ALG9: variants seen among roughly 807,000 people sequenced by gnomAD.
ALG9 encodes the protein ALG9 alpha-1,2-mannosyltransferase.
In ALG9, 55 loss-of-function variants were observed where a neutral mutation model predicts 81.8. The observed-to-expected ratio is 0.67, with a 90% CI of 0.54 to 0.84. The LOEUF is 0.84. Among genes scored for constraint, ALG9 ranks in the 40% least tolerant of loss-of-function variants. The pLI is 0.00. For synonymous variants in ALG9, 278 were observed against 274.3 expected (o/e 1.01, Z -0.13); for missense variants, 629 against 745.0 (o/e 0.84, Z 1.81).
chr11:111,823,922 A>T (rs889036208), intron 13 of ALG9, among the ~76,000 whole-genome samples: 2 of 152,218 alleles, frequency 1.3e-5, no homozygotes, highest in South Asian at 4.1e-4. Flanking sequence ...GAGAGGTGTT[A>T]TGTGAATTGC....
intron 3 of ALG9, among the ~76,000 whole-genome samples, chr11:111,866,245 C>A (rs1415272285): frequency 6.6e-6 from 1 of 152,084 alleles, no homozygotes; most frequent in African/African-American, 2.4e-5. Flanking sequence ...TGCAGTGAGC[C>A]GAGATCGTGC....
intron 2 of ALG9, 103 bp downstream of exon 2, chr11:111,870,129 T>C (rs1225834438): frequency 5.5e-6 from 7 of 1,280,168 alleles, no homozygotes; most frequent in East Asian, 2.7e-5. Context: ...AATACAGTTA[T>C]TTTACTAGGA....
intron 8 of ALG9, among the ~76,000 whole-genome samples, chr11:111,852,419 G>A (rs1244482240): frequency 1.3e-5 from 2 of 152,164 alleles, no homozygotes; most frequent in Admixed American, 1.3e-4. Context: ...CAGGGAAGGA[G>A]TGGAGATGGG....
the ALG9 span, among the ~76,000 whole-genome samples, chr11:111,773,676 C>G: frequency 3.3e-5 from 5 of 151,302 alleles, no homozygotes; most frequent in Admixed American, 6.6e-5. Flanking sequence ...ATATACCACT[C>G]GGAAAAAAAT....
intron 13 of ALG9, among the ~76,000 whole-genome samples, chr11:111,813,866 T>C (rs908328987): frequency 6.6e-6 from 1 of 152,208 alleles, no homozygotes; most frequent in Non-Finnish European, 1.5e-5. Flanking sequence ...GGAAATTAAG[T>C]TGGTAAGAGT....
intron 6 of ALG9, among the ~76,000 whole-genome samples, chr11:111,855,734 T>C (rs1424556020): frequency 1.3e-5 from 2 of 152,100 alleles, no homozygotes; most frequent in Non-Finnish European, 2.9e-5. Context: ...GGACTAGACA[T>C]TAAGCTATGG....
chr11:111,836,255 C>G lies in ALG9; in HGVS notation c.1512G>C (p.Gln504His), dbSNP rs781907541. 3 of 1,613,956 alleles carry G rather than the reference C, an allele frequency of 1.9e-6. No homozygotes were observed. In the African/African-American group the frequency reaches 4.0e-5, roughly 22 times the overall value. The change falls in exon 13 of 15, where the codon CAG (glutamine) becomes CAC (histidine). Residue 504 changes from glutamine to histidine, a missense_variant. By Grantham distance (24) the Gln-to-His change is conservative. Transcript: ENST00000616540. ...GTCCTTCTGCAAAAGGTTTTGGTAA[C>G]TGACCTCTGAACTCTGATGGAATGA... ...LQFIPSEFRG[Q>H]LPKPFAEGPL...
rs539780103 is a variant in ALG9 at position 111,871,524 on chromosome 11, G to T, written c.-42C>A. 3.3e-6 allele frequency: 5 copies of T among 1,535,242 alleles called. No homozygotes were observed. The highest frequency in any genetic ancestry group is 2.4e-5 in the East Asian group (1 of 40,856). On this transcript the variant is annotated 5_prime_UTR_variant, in exon 1 of 15. Coordinates refer to ENST00000616540, the MANE Select transcript of ALG9 (RefSeq NM_024740.2). Reference sequence around the variant, plus strand: ...AAAGAATTCGGCACCCTATGAAGTCGGTGAGCGCGCAGACATAGCTTTGGC... The same window carrying T: ...AAAGAATTCGGCACCCTATGAAGTCTGTGAGCGCGCAGACATAGCTTTGGC...
chr11:111,846,219 A>G (rs1555129649), intron 8 of ALG9, among the ~76,000 whole-genome samples: 1 of 152,220 alleles, frequency 6.6e-6, no homozygotes, highest in East Asian at 1.9e-4. Context: ...CCTGACCACC[A>G]GTGCGGAAGC....
In ALG9 at chr11:111,836,291, C is replaced by G; in HGVS notation, c.1476G>C (p.Trp492Cys). ...ACTCTGATGGAATGAACTGAAGCTG[C>G]CAACTGTCAGAAACACAAGGAGAAT... ...FPSSFLLPDN[W>C]QLQFIPSEFR... The change falls in exon 13 of 15, where the codon TGG (tryptophan) becomes TGC (cysteine). Residue 492 changes from tryptophan to cysteine, a missense_variant. Physicochemically the swap from Trp to Cys is radical, Grantham distance 215. Coordinates refer to ENST00000616540, the MANE Select transcript of ALG9 (RefSeq NM_024740.2). The G allele has an allele frequency of 6.2e-7, 1 of 1,613,920 alleles. No homozygotes were observed. The highest frequency in any genetic ancestry group is 8.5e-7 in the Non-Finnish European group (1 of 1,179,928).
intron 13 of ALG9, among the ~76,000 whole-genome samples, chr11:111,828,604 G>C (rs1231248582): frequency 6.6e-6 from 1 of 152,186 alleles, no homozygotes; most frequent in Non-Finnish European, 1.5e-5. Flanking sequence ...TGAAGGCAAA[G>C]AGGGAAAAAT....
At chr11:111,809,082 A>G (rs1346555007) in intron 14 of ALG9, among the ~76,000 whole-genome samples, 1 of 152,210 alleles carries the variant, frequency 6.6e-6, no homozygotes, top group Non-Finnish European at 1.5e-5. Flanking sequence ...TTGGTTGCCA[A>G]AAATAATCAG....
At position 111,789,103 on chromosome 11, in the gene ALG9, A is replaced by G. The variant is rs551333358; in HGVS notation, c.1734-2583T>C. On this transcript the variant is annotated intron_variant, in intron 14 of 14. Transcript: ENST00000616540. ...AGCAATCCTCCTGCCTCGGTCTCCC[A>G]AACTGTTGGGATTACAGGCGCAAGC... 6.6e-5 allele frequency among the ~76,000 whole-genome samples: 10 copies of G among 151,634 alleles called. No homozygotes were observed. In the South Asian group the frequency reaches 2.1e-3, roughly 32 times the overall value.
At chr11:111,862,369 G>A (rs1235930831) in intron 4 of ALG9, among the ~76,000 whole-genome samples, 5 of 151,516 alleles carry the variant, frequency 3.3e-5, no homozygotes, top group African/African-American at 1.2e-4. Context: ...AAGTAGCTGG[G>A]GCTATAGGCA....
the ALG9 span, among the ~76,000 whole-genome samples, chr11:111,776,215 T>G: frequency 6.6e-6 from 1 of 151,966 alleles, no homozygotes; most frequent in African/African-American, 2.4e-5. Flanking sequence ...AATCTTGACA[T>G]ATAGTAAAGT....
chr11:111,788,361 G>A, intron 14 of ALG9: 2 of 453,258 alleles, frequency 4.4e-6, no homozygotes, highest in South Asian at 3.1e-5. Context: ...GGCTTTGATA[G>A]AGAAAGGAGG....
intron 8 of ALG9, among the ~76,000 whole-genome samples, chr11:111,852,803 T>C (rs1460979813): frequency 1.3e-5 from 2 of 151,696 alleles, no homozygotes; most frequent in African/African-American, 4.8e-5. Context: ...CCAGACATGG[T>C]GGCGGGCTAA....
intron 5 of ALG9, among the ~76,000 whole-genome samples, chr11:111,859,666 A>C (rs1959320495): frequency 6.6e-6 from 1 of 152,094 alleles, no homozygotes; most frequent in East Asian, 1.9e-4. Context: ...GAGGAATCTG[A>C]GGGTAGAGCA....
At chr11:111,851,450 C>T (rs558279765) in intron 8 of ALG9, among the ~76,000 whole-genome samples, 1 of 139,840 alleles carries the variant, frequency 7.2e-6, no homozygotes, top group East Asian at 2.1e-4. Context: ...TGCATCCAGT[C>T]TGGGTGACAA....
Sources: allele counts gnomAD v4.1 joint callset (sites outside exome capture counted in the v4.1 genomes callset), GRCh38; gene constraint gnomAD v4.1.1; transcripts MANE v1.5; gene names NCBI Gene and HGNC (gene_info 2026-07-23, HGNC 2026-07-21).